The following ECHDC1 variants were observed in gnomAD, a reference collection of about 807,000 sequenced individuals.
ECHDC1 encodes the protein ethylmalonyl-CoA decarboxylase 1, also known as ethylmalonyl-CoA decarboxylase.
In ECHDC1, 29 loss-of-function variants were observed where a neutral mutation model predicts 29.7. The ratio of observed to expected loss-of-function variants is 0.98; its 90% CI spans 0.73 to 1.33. ECHDC1 has a LOEUF of 1.33. Among genes scored for constraint, ECHDC1 ranks in the 40% most tolerant of loss-of-function variants. The pLI, the probability that ECHDC1 is intolerant of heterozygous loss-of-function variation, is 0.00. For missense variants in ECHDC1, 328 were observed against 350.0 expected (o/e 0.94, Z 0.50); for synonymous variants, 126 against 123.1 (o/e 1.02, Z -0.15).
chr6:127,311,628 C>T (rs1261636187), intron 5 of ECHDC1, among the ~76,000 whole-genome samples: 1 of 122,480 alleles, frequency 8.2e-6, no homozygotes, highest in Non-Finnish European at 1.6e-5. Context: ...GAGCTGAGAT[C>T]GTGCCATTGC....
chr6:127,329,520 C>T (rs779013822), intron 2 of ECHDC1, among the ~76,000 whole-genome samples: 13 of 152,090 alleles, frequency 8.5e-5, no homozygotes, highest in Middle Eastern at 3.2e-3. Context: ...CCTAAACCAA[C>T]TGAACATATA....
intron 5 of ECHDC1, among the ~76,000 whole-genome samples, chr6:127,295,421 A>G (rs1780521766): frequency 6.6e-6 from 1 of 152,196 alleles, no homozygotes; most frequent in African/African-American, 2.4e-5. Context: ...CTAGGGAGGA[A>G]TAAAAATGTG....
intron 2 of ECHDC1, among the ~76,000 whole-genome samples, chr6:127,330,061 A>T (rs9491732): frequency 0.016 from 2,436 of 152,324 alleles, 43 homozygotes; most frequent in Middle Eastern, 0.054. Flanking sequence ...TATAATCATG[A>T]AGTGCATAAC....
chr6:127,315,764 C>T (rs977275475), intron 4 of ECHDC1: 4 of 373,284 alleles, frequency 1.1e-5, no homozygotes, highest in African/African-American at 8.6e-5. Flanking sequence ...CTATTACTCT[C>T]TCTAGACTCT....
chr6:127,320,441 G>A lies in ECHDC1; in HGVS notation c.364-3939C>T, dbSNP rs1334480818. Among the ~76,000 whole-genome samples, 3 of 152,200 alleles carry A rather than the reference G, an allele frequency of 2.0e-5. No individual in the cohort carries two copies. In the South Asian group the frequency reaches 6.2e-4, roughly 31 times the overall value. On this transcript the variant is annotated intron_variant, in intron 3 of 5. Coordinates refer to ENST00000454859, the MANE Select transcript of ECHDC1 (RefSeq NM_001002030.2). ...AGATCGAAGGAACAATAGATTGGGA[G>A]AAAAGTAACAAGGAAAGTTAAGGGA...
At chr6:127,293,893 T>G (rs1306319070) in intron 5 of ECHDC1, among the ~76,000 whole-genome samples, 2 of 152,172 alleles carry the variant, frequency 1.3e-5, no homozygotes, top group Non-Finnish European at 2.9e-5. Flanking sequence ...AGAGCTATAC[T>G]CAACACTGTA....
chr6:127,299,117 T>G (rs1032976843), intron 5 of ECHDC1, among the ~76,000 whole-genome samples: 1 of 152,124 alleles, frequency 6.6e-6, no homozygotes, highest in African/African-American at 2.4e-5. Flanking sequence ...TCCTCCTGCC[T>G]TGGCCTTCCA....
intron 1 of ECHDC1, among the ~76,000 whole-genome samples, chr6:127,339,673 T>A (rs1187015881): frequency 6.6e-6 from 1 of 150,460 alleles, no homozygotes; most frequent in Non-Finnish European, 1.5e-5. Context: ...CTCAGGAGGC[T>A]GAGGCAGGAG....
chr6:127,330,285 C>G (rs1453478363), intron 2 of ECHDC1, among the ~76,000 whole-genome samples: 1 of 152,134 alleles, frequency 6.6e-6, no homozygotes, highest in Non-Finnish European at 1.5e-5. Context: ...AAGGCATTCA[C>G]CAGTATCTAA....
chr6:127,290,080 T>G lies in ECHDC1; in HGVS notation c.695A>C (p.Glu232Ala). 6.2e-7 allele frequency: 1 copy of G among 1,613,734 alleles called. No homozygotes were observed. Among genetic ancestry groups the G allele is most frequent in the Non-Finnish European group, 8.5e-7 (1 of 1,179,768 alleles). The change falls in exon 6 of 6, where the codon GAA (glutamate) becomes GCA (alanine). Residue 232 changes from glutamate (E) to alanine (A), a missense_variant. By Grantham distance (107) the Glu-to-Ala change is moderately radical. Coordinates refer to ENST00000454859, the MANE Select transcript of ECHDC1 (RefSeq NM_001002030.2). The stretch of plus-strand genomic sequence containing the variant: ...TTGTGCCTCTTCTAGAGATTTAGTT[T>G]CATCTGAAGACTGCAAGACCTCTTC... ...MVEEVLQSSD[E>A]TKSLEEAQEW...
At chr6:127,332,579 G>A (rs1380520971) in intron 1 of ECHDC1, among the ~76,000 whole-genome samples, 2 of 152,116 alleles carry the variant, frequency 1.3e-5, no homozygotes, top group Non-Finnish European at 2.9e-5. Context: ...GAGGGTGGTG[G>A]GGAGGCAGGA....
At chr6:127,326,737 A>G in intron 3 of ECHDC1, 1 of 410,300 alleles carries the variant, frequency 2.4e-6, no homozygotes, top group Non-Finnish European at 4.5e-6. Flanking sequence ...CACAACTGAG[A>G]GTGTTCTGCT....
chr6:127,313,683 A>C lies in ECHDC1; in HGVS notation c.497+1133T>G, dbSNP rs1782130444. 6 of 434,376 alleles carry C rather than the reference A, an allele frequency of 1.4e-5. No homozygotes were observed. The Admixed American group carries it at 1.6e-4, about 11-fold the overall frequency. The allele number at this position is 434,376 out of a possible 1,614,324, so 26.9% of individuals were successfully genotyped here. ...AAGTGTATAATGAATTTTTAAAAAA[A>C]TGGCAAGGCCAGGGTTAGCCCAGAG... On this transcript the variant is annotated intron_variant, in intron 5 of 5. Transcript: ENST00000454859.
At chr6:127,300,772 A>G (rs1183408174) in intron 5 of ECHDC1, among the ~76,000 whole-genome samples, 1 of 152,218 alleles carries the variant, frequency 6.6e-6, no homozygotes, top group African/African-American at 2.4e-5. Flanking sequence ...ACTGACACTT[A>G]GATTTTGGTC....
At chr6:127,322,532 G>A (rs1444308692) in intron 3 of ECHDC1, among the ~76,000 whole-genome samples, 1 of 152,020 alleles carries the variant, frequency 6.6e-6, no homozygotes, top group Non-Finnish European at 1.5e-5. Flanking sequence ...GTACTAGAAA[G>A]AATGAACTTT....
chr6:127,290,278 C>A lies in ECHDC1; in HGVS notation c.498-1G>T. On this transcript the variant is annotated splice_acceptor_variant, in intron 5 of 5. Coordinates refer to ENST00000454859, the MANE Select transcript of ECHDC1 (RefSeq NM_001002030.2). LOFTEE classifies it high-confidence loss of function. ...GATCTTACTCTCTGGAGTCATTAAC[C>A]TGTAAAAGAAAAAAGAAAAGCTTAA... The A allele has an allele frequency of 6.2e-7, 1 of 1,604,468 alleles. No individual in the cohort carries two copies. The highest frequency in any genetic ancestry group is 8.5e-7 in the Non-Finnish European group (1 of 1,176,180).
In ECHDC1 at chr6:127,309,448, GAAA is replaced by G. The variant is rs869140389; in HGVS notation, c.497+5365_497+5367del. ...CAGACAAAAATCAAATCAAAATAAA[GAAA>G]AAGAAAAAACCCAGAAAACAAACAA... On this transcript the variant is annotated intron_variant, in intron 5 of 5. Transcript: ENST00000454859. Among the ~76,000 whole-genome samples the G allele has an allele frequency of 1.7e-3, 15 of 8,980 alleles. 1 individual carries two copies. The East Asian group carries it at 0.062, about 37-fold the overall frequency. 5.9% of individuals were successfully genotyped at this position (8,980 alleles called of 152,430 possible).
chr6:127,290,421 G>A, intron 5 of ECHDC1, 144 bp from the exon 6 acceptor site: 1 of 792,980 alleles, frequency 1.3e-6, no homozygotes, highest in South Asian at 2.5e-5. Flanking sequence ...AAATATGGCT[G>A]TTTCATCTAG....
intron 1 of ECHDC1, among the ~76,000 whole-genome samples, chr6:127,340,731 T>C (rs1267516006): frequency 2.5e-5 from 3 of 121,568 alleles, no homozygotes; most frequent in African/African-American, 9.2e-5. Context: ...ACTTAGATAG[T>C]TGCTTTAAAA....
Sources: gnomAD v4.1 joint callset for allele counts (sites outside exome capture counted in the v4.1 genomes callset) on GRCh38, gnomAD v4.1.1 for gene constraint, MANE v1.5 for transcripts, NCBI Gene and HGNC (gene_info 2026-07-23, HGNC 2026-07-21) for gene names.